The following PCNX2 variants were observed in gnomAD, a reference collection of about 807,000 sequenced individuals.
PCNX2 encodes pecanex-like protein 2.
PCNX2 carries 168 observed loss-of-function variants against 223.8 expected under a neutral mutation model. That is an observed-to-expected ratio of 0.75 (90% CI 0.66 to 0.85). The LOEUF (loss-of-function observed/expected upper bound fraction) is 0.85, where lower values mean the gene tolerates loss of function less well. Among genes scored for constraint, PCNX2 ranks in the 40% least tolerant of loss-of-function variants. The probability of loss-of-function intolerance (pLI) is 0.00; values close to 1 mark genes in which losing one functional copy is unlikely to be tolerated. For missense variants in PCNX2, 2,507 were observed against 2,675.5 expected, an observed-to-expected ratio of 0.94 and a Z score of 1.39; for synonymous variants, 1,006 against 1,052.6, an observed-to-expected ratio of 0.96 and a Z score of 0.86.
chr1:233,304,935 C>G, the PCNX2 span, among the ~76,000 whole-genome samples: 1 of 152,044 alleles, frequency 6.6e-6, no homozygotes. Context: ...TTTCCTTAAT[C>G]TTCTACACAA....
At chr1:233,052,189 C>T (rs568468772) in intron 25 of PCNX2, among the ~76,000 whole-genome samples, 4 of 152,110 alleles carry the variant, frequency 2.6e-5, no homozygotes, top group South Asian at 2.1e-4. Flanking sequence ...AAAAATATTT[C>T]GTAAACATTT....
chr1:233,045,303 A>G (rs975396484), intron 25 of PCNX2, among the ~76,000 whole-genome samples: 1 of 152,202 alleles, frequency 6.6e-6, no homozygotes, highest in Admixed American at 6.5e-5. Context: ...CTTCCATGCA[A>G]TCTTCCACTT....
intron 12 of PCNX2, among the ~76,000 whole-genome samples, chr1:233,214,109 G>A (rs1248569605): frequency 6.6e-6 from 1 of 151,088 alleles, no homozygotes; most frequent in Admixed American, 6.6e-5. Context: ...TTACAGGCAT[G>A]AGCCACCATG....
In PCNX2 at chr1:233,029,970, G is replaced by A. The variant is rs1009964932; in HGVS notation, c.4352-4571C>T. Among the ~76,000 whole-genome samples, 4 of 152,172 alleles carry A rather than the reference G, an allele frequency of 2.6e-5. No homozygotes were observed. The East Asian group carries it at 7.7e-4, about 29-fold the overall frequency. On this transcript the variant is annotated intron_variant, in intron 25 of 33. Transcript: ENST00000258229. ...ATGTGTTGAGGGCCTGGGATCTGTGGATCGATATTTTTCATCAGTTAAAAA... is the reference window on the plus strand; with the variant it reads ...ATGTGTTGAGGGCCTGGGATCTGTGAATCGATATTTTTCATCAGTTAAAAA...
intron 8 of PCNX2, among the ~76,000 whole-genome samples, chr1:233,243,826 A>C (rs11810127): frequency 6.6e-6 from 1 of 151,560 alleles, no homozygotes; most frequent in African/African-American, 2.4e-5. Context: ...TATCACCTTT[A>C]TTTTTTATTT....
intron 17 of PCNX2, among the ~76,000 whole-genome samples, chr1:233,164,664 A>T (rs1456881267): frequency 6.6e-6 from 1 of 151,502 alleles, no homozygotes; most frequent in Admixed American, 6.6e-5. Context: ...TGATATACAC[A>T]AACACACCCC....
rs201105597 is a variant in PCNX2, at chr1:233,198,962, C to T, written c.3043G>A (p.Ala1015Thr). 13 of 1,605,786 alleles carry T rather than the reference C, an allele frequency of 8.1e-6. No homozygotes were observed. The East Asian group carries it at 9.0e-5, about 11-fold the overall frequency. ...RSVLAAALLH[A>T]VCFSAVKEPW... Reference sequence around the variant, plus strand: ...ACCTTCACTGCACTGAAGCAGACTGCGTGGAGCAGGGCGGCAGCCAAGACG... The same window carrying T: ...ACCTTCACTGCACTGAAGCAGACTGTGTGGAGCAGGGCGGCAGCCAAGACG... The change falls in exon 15 of 34, where the codon GCA (alanine) becomes ACA (threonine). Residue 1015 changes from alanine to threonine, a missense_variant. Coordinates refer to ENST00000258229, the MANE Select transcript of PCNX2 (RefSeq NM_014801.4).
At chr1:233,166,493 C>A (rs1397325589) in intron 17 of PCNX2, among the ~76,000 whole-genome samples, 1 of 152,000 alleles carries the variant, frequency 6.6e-6, no homozygotes, top group African/African-American at 2.4e-5. Context: ...ACTCATAAAA[C>A]CCACATTCAA....
chr1:233,317,665 G>A, the PCNX2 span, among the ~76,000 whole-genome samples: 4 of 152,196 alleles, frequency 2.6e-5, no homozygotes, highest in Admixed American at 2.0e-4. Flanking sequence ...TACTAAATGA[G>A]GGGCGGGGGG....
intron 1 of PCNX2, among the ~76,000 whole-genome samples, chr1:233,275,236 A>C (rs6676601): frequency 0.39 from 59,658 of 151,906 alleles, 12,617 homozygotes; most frequent in African/African-American, 0.56. Context: ...TGGAGTCTCG[A>C]TCTGTCACCC....
chr1:233,322,793 C>T, the PCNX2 span, among the ~76,000 whole-genome samples: 1 of 151,946 alleles, frequency 6.6e-6, no homozygotes, highest in Non-Finnish European at 1.5e-5. Flanking sequence ...CACCCTTGAT[C>T]TCTGCATGAC....
chr1:233,243,086 G>A (rs747483938), intron 8 of PCNX2, among the ~76,000 whole-genome samples: 26 of 152,200 alleles, frequency 1.7e-4, no homozygotes, highest in African/African-American at 5.3e-4. Flanking sequence ...CACAAGAACC[G>A]CACTGGTTCC....
chr1:232,988,209 T>C (rs1669563152), intron 32 of PCNX2, among the ~76,000 whole-genome samples: 1 of 152,240 alleles, frequency 6.6e-6, no homozygotes, highest in Non-Finnish European at 1.5e-5. Context: ...AGCTGATCAC[T>C]GTCCAAAAAT....
intron 23 of PCNX2, among the ~76,000 whole-genome samples, chr1:233,076,976 G>A (rs1385069878): frequency 6.6e-6 from 1 of 152,142 alleles, no homozygotes; most frequent in African/African-American, 2.4e-5. Context: ...GGGTGTAAAG[G>A]AGGATCACCT....
rs149199041 is a variant in PCNX2 at position 233,054,547 on chromosome 1, A to G, written c.4136-64T>C. 1.6e-4 allele frequency: 208 copies of G among 1,326,762 alleles called. 1 individual carries two copies. In the East Asian group the frequency reaches 3.9e-3, roughly 25 times the overall value. 82.2% of individuals were successfully genotyped at this position (1,326,762 alleles called of 1,614,324 possible). A position where few individuals can be genotyped will look rare whatever the true frequency, so the allele number is the denominator to read the frequency against. On this transcript the variant is annotated intron_variant, in intron 24 of 33. Coordinates refer to ENST00000258229, the MANE Select transcript of PCNX2 (RefSeq NM_014801.4). ...TCCTTGCTGTGTATCCAGACCTAGG[A>G]AACAGTGAGTTGTCATCTGATTAAG...
rs368008866 is a variant in PCNX2 at position 233,057,280 on chromosome 1, C to T, written c.4087G>A (p.Val1363Met). Residue 1363 changes from valine to methionine, a missense_variant, in exon 24 of 34, where the codon GTG becomes ATG. Coordinates refer to ENST00000258229, the MANE Select transcript of PCNX2 (RefSeq NM_014801.4). ...FWEKNYNTRR[V>M]DNSNTRLAVQ... ...GCCAGTCTTGTGTTGGAATTATCCA[C>T]TCGCCTTGTACTAGAAGAGGCCACA... 22 of 1,609,696 alleles carry T rather than the reference C, an allele frequency of 1.4e-5. No individual in the cohort carries two copies. The African/African-American group carries it at 2.7e-4, about 20-fold the overall frequency.
rs61543110 is a variant in PCNX2, at chr1:232,999,452, CTTTTTTTTT to C, written c.5329-82_5329-74del. 5.5e-5 allele frequency: 64 copies of C among 1,171,054 alleles called. No individual in the cohort carries two copies. In the East Asian group the frequency reaches 1.6e-3, roughly 30 times the overall value. The allele number at this position is 1,171,054 out of a possible 1,614,324, so 72.5% of individuals were successfully genotyped here. A position where few individuals can be genotyped will look rare whatever the true frequency, so the allele number is the denominator to read the frequency against. ...TCCAGTCTATTGGTTTTTTCTTTTTCTTTTTTTTTTTTTTTTTTGAGATAGAGTTTCGCT... is the reference window on the plus strand; with the variant it reads ...TCCAGTCTATTGGTTTTTTCTTTTTCTTTTTTTTTGAGATAGAGTTTCGCT... On this transcript the variant is annotated intron_variant, in intron 30 of 33. Transcript: ENST00000258229.
intron 23 of PCNX2, among the ~76,000 whole-genome samples, chr1:233,071,480 G>A (rs1209852277): frequency 6.6e-6 from 1 of 152,162 alleles, no homozygotes; most frequent in Non-Finnish European, 1.5e-5. Flanking sequence ...TTTCTGCAAA[G>A]GATATGATTT....
chr1:233,180,401 T>C (rs1051445671), intron 15 of PCNX2, among the ~76,000 whole-genome samples: 5 of 152,176 alleles, frequency 3.3e-5, no homozygotes, highest in African/African-American at 1.2e-4. Context: ...CAAACATGTC[T>C]CTCATACACC....
Sources: allele counts gnomAD v4.1 joint callset (sites outside exome capture counted in the v4.1 genomes callset), GRCh38; gene constraint gnomAD v4.1.1; transcripts MANE v1.5; gene names NCBI Gene and HGNC (gene_info 2026-07-23, HGNC 2026-07-21).